The following TOX3 variants were observed in gnomAD, a reference collection of about 807,000 sequenced individuals.
TOX3 encodes the protein CAG trinucleotide repeat-containing gene F9 protein.
A neutral mutation model predicts 64.3 loss-of-function variants in TOX3; 22 were observed. The observed-to-expected ratio is 0.34, with a 90% CI of 0.24 to 0.49. TOX3 has a LOEUF of 0.49. Among genes scored for constraint, TOX3 ranks in the 20% least tolerant of loss-of-function variants. The pLI is 0.99. For missense variants in TOX3, 661 were observed against 714.4 expected, an observed-to-expected ratio of 0.93 and a Z score of 0.85; for synonymous variants, 291 against 273.6, an observed-to-expected ratio of 1.06 and a Z score of -0.63.
intron 1 of TOX3, among the ~76,000 whole-genome samples, chr16:52,545,657 C>A (rs191440360): frequency 6.6e-6 from 1 of 152,184 alleles, no homozygotes; most frequent in Non-Finnish European, 1.5e-5. Flanking sequence ...AAGAAAACCA[C>A]ATTCAAAAGG....
chr16:52,546,933 G>C lies in TOX3; in HGVS notation c.-210C>G, dbSNP rs1419953456. 14 of 1,024,606 alleles carry C rather than the reference G, an allele frequency of 1.4e-5. No individual in the cohort carries two copies. In the South Asian group the frequency reaches 3.2e-4, roughly 24 times the overall value. 63.5% of individuals were successfully genotyped at this position (1,024,606 alleles called of 1,614,324 possible). ...GCGGCCACGCGAGCCGCGGGAGAGC[G>C]GGAGGCGGCCGGGGGGACGCGCCCC... On this transcript the variant is annotated 5_prime_UTR_variant, in exon 1 of 7. Coordinates refer to ENST00000219746, the MANE Select transcript of TOX3 (RefSeq NM_001080430.4).
At chr16:52,479,597 G>C (rs1183349388) in intron 1 of TOX3, among the ~76,000 whole-genome samples, 1 of 152,224 alleles carries the variant, frequency 6.6e-6, no homozygotes, top group East Asian at 1.9e-4. Context: ...GATGTGCTTA[G>C]TCTGTTATGG....
intron 6 of TOX3, among the ~76,000 whole-genome samples, chr16:52,442,736 C>G (rs924442607): frequency 6.6e-6 from 1 of 152,220 alleles, no homozygotes; most frequent in African/African-American, 2.4e-5. Flanking sequence ...TTAGTTGCCT[C>G]ACAGTTCTTT....
chr16:52,439,512 A>G lies in TOX3; in HGVS notation c.1444T>C (p.Phe482Leu). The G allele has an allele frequency of 7.1e-7, 1 of 1,412,004 alleles. No homozygotes were observed. The highest frequency in any genetic ancestry group is 9.8e-7 in the Non-Finnish European group (1 of 1,020,874). The allele number at this position is 1,412,004 out of a possible 1,614,324, so 87.5% of individuals were successfully genotyped here. A position where few individuals can be genotyped will look rare whatever the true frequency, so the allele number is the denominator to read the frequency against. The stretch of plus-strand genomic sequence containing the variant: ...AGGTGCTGCTGCATGTGGTGCTGGA[A>G]ATGCTGCTGCTGCATCTGCTGCTGG... ...QIQQQMQQQHFQHHMQQHLQQ... is the reference protein window; with the variant it reads ...QIQQQMQQQHLQHHMQQHLQQ... Residue 482 changes from phenylalanine (F) to leucine (L), a missense_variant, in exon 7 of 7, where the codon TTC (phenylalanine) becomes CTC (leucine). Phe to Leu is a conservative substitution (Grantham distance 22). Around this residue, in one of 3 missense-constraint regions of TOX3, gnomAD observed 299 missense variants for 292.1 expected, o/e 1.02. Coordinates refer to ENST00000219746, the MANE Select transcript of TOX3 (RefSeq NM_001080430.4).
At chr16:52,458,831 T>C (rs1349689849) in intron 3 of TOX3, among the ~76,000 whole-genome samples, 1 of 152,174 alleles carries the variant, frequency 6.6e-6, no homozygotes, top group Non-Finnish European at 1.5e-5. Context: ...AAAGTGTCTG[T>C]GGCCTGGGTA....
chr16:52,533,408 T>C (rs2081693497), intron 1 of TOX3, among the ~76,000 whole-genome samples: 1 of 152,218 alleles, frequency 6.6e-6, no homozygotes, highest in African/African-American at 2.4e-5. Context: ...CATTCTGTTT[T>C]GAATTCCCTT....
chr16:52,538,095 C>T (rs1235870950), intron 1 of TOX3, among the ~76,000 whole-genome samples: 1 of 152,064 alleles, frequency 6.6e-6, no homozygotes, highest in Admixed American at 6.6e-5. Context: ...AACCACTTTT[C>T]CATTAAACAT....
At chr16:52,473,595 T>C (rs3095617) in intron 1 of TOX3, among the ~76,000 whole-genome samples, 131 of 152,240 alleles carry the variant, frequency 8.6e-4, no homozygotes, top group African/African-American at 2.8e-3. Flanking sequence ...GAAGAGAACT[T>C]AGGAGAGATC....
At chr16:52,448,449 TA>T (rs1960232290) in intron 4 of TOX3, among the ~76,000 whole-genome samples, 1 of 152,152 alleles carries the variant, frequency 6.6e-6, no homozygotes, top group African/African-American at 2.4e-5. Flanking sequence ...AGCTGTTACC[TA>T]ACCCCATCTG....
chr16:52,490,867 G>A (rs370338134), intron 1 of TOX3, among the ~76,000 whole-genome samples: 13 of 151,866 alleles, frequency 8.6e-5, no homozygotes, highest in South Asian at 2.1e-4. Flanking sequence ...GGGCTCAAGC[G>A]ATCCACCCAC....
intron 1 of TOX3, among the ~76,000 whole-genome samples, chr16:52,518,369 A>G (rs1179168591): frequency 1.3e-5 from 2 of 152,242 alleles, no homozygotes; most frequent in Non-Finnish European, 2.9e-5. Flanking sequence ...AATAAGGATC[A>G]GAATATATCA....
chr16:52,509,059 A>C (rs1250132496), intron 1 of TOX3, among the ~76,000 whole-genome samples: 1 of 152,118 alleles, frequency 6.6e-6, no homozygotes, highest in Admixed American at 6.5e-5. Flanking sequence ...AAATTTTAGG[A>C]AGTTTCTACT....
At chr16:52,547,203 C>G (rs1200783888), upstream of TOX3, among the ~76,000 whole-genome samples, 1 of 144,010 alleles carries the variant, frequency 6.9e-6, no homozygotes, top group Admixed American at 6.8e-5. Context: ...GTCCCCTCCC[C>G]GCGCCGCCGC....
chr16:52,491,981 A>G (rs1004497620), intron 1 of TOX3, among the ~76,000 whole-genome samples: 2 of 152,088 alleles, frequency 1.3e-5, no homozygotes, highest in Non-Finnish European at 2.9e-5. Flanking sequence ...CAGGAGCAGT[A>G]GGAAGCATTG....
Position 52,546,640 on chromosome 16 carries a change from G to A in TOX3, c.84C>T (p.Ser28=). 2 of 1,540,426 alleles carry A rather than the reference G, an allele frequency of 1.3e-6. No individual in the cohort carries two copies. The highest frequency in any genetic ancestry group is 8.7e-7 in the Non-Finnish European group (1 of 1,146,010). ...FAQCLGYYGY[S]KFGNNNNYMN... ...CCCACCGGCCCAGCCCGGTCACCTT[G>A]CTGTAGCCGTAGTACCCCAGGCACT... Residue 28 remains serine (S), a synonymous_variant, in exon 1 of 7, where the codon AGC becomes AGT. Transcript: ENST00000219746.
At chr16:52,473,407 C>T (rs1331015193) in intron 1 of TOX3, among the ~76,000 whole-genome samples, 1 of 152,034 alleles carries the variant, frequency 6.6e-6, no homozygotes, top group East Asian at 1.9e-4. Context: ...TCTTTTTCCC[C>T]CATTAGATTT....
Position 52,459,116 on chromosome 16 carries a change from C to T in TOX3, c.408+4818G>A, listed in dbSNP as rs369793350. On this transcript the variant is annotated intron_variant, in intron 3 of 6. Coordinates refer to ENST00000219746, the MANE Select transcript of TOX3 (RefSeq NM_001080430.4). ...ACAGCTGGAAGCCAGGAATTCAAGA[C>T]CAGCCTGGGCAACTGAGAGCAAGGC... is the stretch of plus-strand genomic sequence containing the variant. Among the ~76,000 whole-genome samples the T allele has an allele frequency of 9.2e-5, 14 of 152,232 alleles. No homozygotes were observed. The East Asian group carries it at 2.7e-3, about 29-fold the overall frequency.
intron 1 of TOX3, among the ~76,000 whole-genome samples, chr16:52,537,199 C>T (rs1596868920): frequency 6.6e-6 from 1 of 151,954 alleles, no homozygotes. Flanking sequence ...GCAAATGTAC[C>T]GAGACACACA....
At chr16:52,458,136 C>T (rs1960577321) in intron 3 of TOX3, among the ~76,000 whole-genome samples, 1 of 152,162 alleles carries the variant, frequency 6.6e-6, no homozygotes, top group Non-Finnish European at 1.5e-5. Context: ...TCCATTTTAA[C>T]TTAGCAGTCT....
Sources: allele counts gnomAD v4.1 joint callset (sites outside exome capture counted in the v4.1 genomes callset), GRCh38; gene constraint gnomAD v4.1.1; regional missense constraint gnomAD v4.1.1; transcripts MANE v1.5; gene names NCBI Gene and HGNC (gene_info 2026-07-23, HGNC 2026-07-21).